The following MCMBP variants were observed in gnomAD, a reference collection of about 807,000 sequenced individuals.
MCMBP encodes mini-chromosome maintenance complex-binding protein.
Under a neutral mutation model 81.3 loss-of-function variants are expected in MCMBP, and 31 were observed. The ratio of observed to expected loss-of-function variants is 0.38; its 90% CI spans 0.29 to 0.51. The LOEUF is 0.51. Among genes scored for constraint, MCMBP ranks in the 20% least tolerant of loss-of-function variants. The pLI is 0.87. For synonymous variants in MCMBP, 267 were observed against 275.9 expected, an observed-to-expected ratio of 0.97 and a Z score of 0.32; for missense variants, 645 against 772.1, an observed-to-expected ratio of 0.84 and a Z score of 1.95.
intron 1 of MCMBP, among the ~76,000 whole-genome samples, chr10:119,863,636 G>A (rs1853340474): frequency 6.7e-6 from 1 of 148,474 alleles, no homozygotes; most frequent in South Asian, 2.1e-4. Flanking sequence ...GGGTGAGACA[G>A]GAGAATTGCT....
At chr10:119,860,260 G>GTT (rs559421003) in intron 1 of MCMBP, among the ~76,000 whole-genome samples, 1 of 152,044 alleles carries the variant, frequency 6.6e-6, no homozygotes, top group Non-Finnish European at 1.5e-5. Flanking sequence ...TTTTTATGTA[G>GTT]TTTTTTTATC....
intron 8 of MCMBP, among the ~76,000 whole-genome samples, 152 bp downstream of exon 8, chr10:119,847,457 CAAAT>C (rs776333252): frequency 1.3e-5 from 2 of 151,950 alleles, no homozygotes; most frequent in Non-Finnish European, 2.9e-5. Flanking sequence ...ATAGAGAGCA[CAAAT>C]GAATGACAAA....
Position 119,872,668 on chromosome 10 carries a change from C to A in MCMBP, c.-84G>T. 1.4e-6 allele frequency: 1 copy of A among 706,116 alleles called. No homozygotes were observed. The highest frequency in any genetic ancestry group is 6.5e-5 in the South Asian group (1 of 15,370). 43.7% of individuals were successfully genotyped at this position (706,116 alleles called of 1,614,324 possible). ...GCCGGGCGGCCGGCGCCCAGCTCCT[C>A]TTCAGCGGCTCGGCCGCTCCTCGCC... On this transcript the variant is annotated 5_prime_UTR_variant, in exon 1 of 16. Transcript: ENST00000369077.
intron 1 of MCMBP, among the ~76,000 whole-genome samples, chr10:119,869,624 C>T (rs1190892163): frequency 6.6e-6 from 1 of 151,918 alleles, no homozygotes. Flanking sequence ...ATCCCAGCTA[C>T]TCCAGAGGCT....
intron 1 of MCMBP, among the ~76,000 whole-genome samples, chr10:119,865,203 T>C (rs1428606151): frequency 6.6e-6 from 1 of 152,256 alleles, no homozygotes; most frequent in African/African-American, 2.4e-5. Context: ...TGAAGCTCTG[T>C]TGCTTGGTGC....
chr10:119,867,290 C>T (rs1391881533), intron 1 of MCMBP, among the ~76,000 whole-genome samples: 3 of 53,512 alleles, frequency 5.6e-5, no homozygotes, highest in Admixed American at 3.7e-4. Flanking sequence ...GAGACTCCAT[C>T]TCAAAAAAAA....
chr10:119,868,408 AG>A (rs1853548107), intron 1 of MCMBP, among the ~76,000 whole-genome samples: 1 of 152,230 alleles, frequency 6.6e-6, no homozygotes, highest in Non-Finnish European at 1.5e-5. Flanking sequence ...CCTGGGCAAC[AG>A]AGCAAGACAC....
At chr10:119,843,463 A>T in intron 8 of MCMBP, 37 bp from the exon 9 acceptor site, 1 of 1,592,210 alleles carries the variant, frequency 6.3e-7, no homozygotes, top group South Asian at 1.1e-5. Flanking sequence ...TTAGAGAGAC[A>T]TCAATTGCAC....
intron 14 of MCMBP, among the ~76,000 whole-genome samples, chr10:119,833,788 C>G (rs1024357072): frequency 7.2e-5 from 11 of 151,786 alleles, no homozygotes; most frequent in Non-Finnish European, 1.3e-4. Context: ...AAACATTAGA[C>G]AAAAAGACTC....
At chr10:119,851,786 T>C (rs1852833013) in intron 6 of MCMBP, among the ~76,000 whole-genome samples, 1 of 152,178 alleles carries the variant, frequency 6.6e-6, no homozygotes, top group Non-Finnish European at 1.5e-5. Flanking sequence ...AATCTGGAAA[T>C]ATCAATTTAT....
chr10:119,839,683 G>A (rs1017191231), intron 11 of MCMBP, among the ~76,000 whole-genome samples: 1 of 152,152 alleles, frequency 6.6e-6, no homozygotes, highest in African/African-American at 2.4e-5. Flanking sequence ...TTCAATGTGC[G>A]AGACTAATGA....
Position 119,858,864 on chromosome 10 carries a change from T to G in MCMBP, c.327+20A>C, listed in dbSNP as rs1853142914. On this transcript the variant is annotated intron_variant, in intron 4 of 15. Coordinates refer to ENST00000369077, the MANE Select transcript of MCMBP (RefSeq NM_001256378.2). ...AAAAATTCTTACTAAAAATGTTTCA[T>G]ATATATTAAAGATACATACCCCACA... 6.5e-7 allele frequency: 1 copy of G among 1,550,012 alleles called. No homozygotes were observed. The highest frequency in any genetic ancestry group is 1.9e-5 in the Admixed American group (1 of 52,298).
In MCMBP at chr10:119,840,977, T is replaced by C. The variant is rs1048972673; in HGVS notation, c.1125-17A>G. 1 of 1,426,650 alleles carries C rather than the reference T, an allele frequency of 7.0e-7. No homozygotes were observed. The allele number at this position is 1,426,650 out of a possible 1,614,324, so 88.4% of individuals were successfully genotyped here. A position where few individuals can be genotyped will look rare whatever the true frequency, so the allele number is the denominator to read the frequency against. On this transcript the variant is annotated splice_polypyrimidine_tract_variant and intron_variant, in intron 10 of 15. Coordinates refer to ENST00000369077, the MANE Select transcript of MCMBP (RefSeq NM_001256378.2). ...CTTGTATATCTAGAAAAGAAAGAAA[T>C]CAATCAATAAGATGCTGAAGTGACT...
At chr10:119,851,358 C>T (rs1852819340) in intron 6 of MCMBP, among the ~76,000 whole-genome samples, 1 of 152,162 alleles carries the variant, frequency 6.6e-6, no homozygotes, top group African/African-American at 2.4e-5. Flanking sequence ...AAAGTAGCAT[C>T]AACTGCTTAA....
At chr10:119,843,226 T>G (rs77202095) in intron 9 of MCMBP, 28 bp downstream of exon 9, 5 of 1,611,708 alleles carry the variant, frequency 3.1e-6, no homozygotes, top group South Asian at 1.1e-5. Context: ...CAGTCGATAG[T>G]TGACTAGGCT....
chr10:119,867,747 C>T (rs1853523620), intron 1 of MCMBP, among the ~76,000 whole-genome samples: 1 of 152,188 alleles, frequency 6.6e-6, no homozygotes, highest in African/African-American at 2.4e-5. Flanking sequence ...GCTAGCTTTC[C>T]AGTTCCTGAT....
chr10:119,871,806 T>A (rs986722006), intron 1 of MCMBP, among the ~76,000 whole-genome samples: 1 of 152,166 alleles, frequency 6.6e-6, no homozygotes, highest in Non-Finnish European at 1.5e-5. Context: ...ACAACAAATA[T>A]AAACTTTTCT....
intron 9 of MCMBP, 172 bp from the exon 10 acceptor site, chr10:119,842,767 CTTTTT>C (rs71019726): frequency 1.2e-5 from 6 of 488,018 alleles, no homozygotes; most frequent in African/African-American, 2.1e-5. Context: ...TTGCATCCTC[CTTTTT>C]TTTTTTTTTG....
intron 1 of MCMBP, among the ~76,000 whole-genome samples, chr10:119,867,886 C>T (rs1161991890): frequency 1.3e-5 from 2 of 152,084 alleles, no homozygotes; most frequent in Non-Finnish European, 2.9e-5. Context: ...TGGGTACAGA[C>T]AATAAGGGCA....
Sources: allele counts gnomAD v4.1 joint callset (sites outside exome capture counted in the v4.1 genomes callset), GRCh38; gene constraint gnomAD v4.1.1; transcripts MANE v1.5; gene names NCBI Gene and HGNC (gene_info 2026-07-23, HGNC 2026-07-21).